HELQ: variants seen among roughly 807,000 people sequenced by gnomAD.
HELQ encodes the protein helicase POLQ-like.
Under a neutral mutation model 111.6 loss-of-function variants are expected in HELQ, and 77 were observed. The ratio of observed to expected loss-of-function variants is 0.69; its 90% CI spans 0.57 to 0.83. The LOEUF is 0.83. Among genes scored for constraint, HELQ ranks in the 40% least tolerant of loss-of-function variants. The pLI is 0.00. For synonymous variants in HELQ, 438 were observed against 454.7 expected, an observed-to-expected ratio of 0.96 and a Z score of 0.47; for missense variants, 1,200 against 1,288.5, an observed-to-expected ratio of 0.93 and a Z score of 1.05.
intron 15 of HELQ, among the ~76,000 whole-genome samples, chr4:83,419,161 ATTT>A (rs34131623): frequency 8.7e-4 from 118 of 135,794 alleles, no homozygotes; most frequent in African/African-American, 2.8e-3. Flanking sequence ...ACACCATGAG[ATTT>A]TTTTTTTTTT....
intron 14 of HELQ, 144 bp downstream of exon 14, chr4:83,425,850 A>G: frequency 1.9e-6 from 1 of 539,896 alleles, no homozygotes; most frequent in Non-Finnish European, 3.3e-6. Context: ...TTTAAGTAGT[A>G]AAATGAACGT....
intron 9 of HELQ, among the ~76,000 whole-genome samples, chr4:83,434,973 G>C (rs748894806): frequency 6.6e-6 from 1 of 152,162 alleles, no homozygotes; most frequent in Non-Finnish European, 1.5e-5. Context: ...ATAAAGCTTA[G>C]ATTAAAAGCA....
Position 83,407,438 on chromosome 4 carries a change from T to C in HELQ, c.*15A>G. 1 of 1,508,044 alleles carries C rather than the reference T, an allele frequency of 6.6e-7. No homozygotes were observed. Among genetic ancestry groups the C allele is most frequent in the South Asian group, 1.2e-5 (1 of 81,500 alleles). The allele number at this position is 1,508,044 out of a possible 1,614,324, so 93.4% of individuals were successfully genotyped here. On this transcript the variant is annotated 3_prime_UTR_variant, in exon 18 of 18. Transcript: ENST00000295488. ...CAATAAATAATTCATATATGAAAAT[T>C]CTCATCAGATAGCTTCATGCTTTGT...
chr4:83,409,418 G>T (rs1242108486), intron 17 of HELQ, among the ~76,000 whole-genome samples: 1 of 152,118 alleles, frequency 6.6e-6, no homozygotes, highest in Non-Finnish European at 1.5e-5. Flanking sequence ...GCCAGGCAAG[G>T]TGGCCGGCGC....
intron 2 of HELQ, 135 bp downstream of exon 2, chr4:83,453,096 G>A: frequency 1.6e-6 from 1 of 614,880 alleles, no homozygotes; most frequent in Non-Finnish European, 2.9e-6. Context: ...AATGGAAGGG[G>A]CTGAGAGATC....
rs560813069 is a variant in HELQ at position 83,446,006 on chromosome 4, A to G, written c.1465+8T>C. 3.8e-6 allele frequency: 6 copies of G among 1,573,680 alleles called. No individual in the cohort carries two copies. In the East Asian group the frequency reaches 1.3e-4, roughly 35 times the overall value. On this transcript the variant is annotated splice_region_variant and intron_variant, in intron 5 of 17. Transcript: ENST00000295488. ...TCAATTCATGACCTCATTTGAAAAA[A>G]TACTTACTGCTAGTGTAGAGGATTT...
chr4:83,439,873 A>G lies in HELQ; in HGVS notation c.1798T>C (p.Phe600Leu). Reference sequence around the variant, plus strand: ...AAAATATTAACATACTTGCTTAAAAATTTGCATATCATTTCTGCTACATTT... The same window carrying G: ...AAAATATTAACATACTTGCTTAAAAGTTTGCATATCATTTCTGCTACATTT... ...CENVAEMICKFLSKEYLKHKE... is the reference protein window; with the variant it reads ...CENVAEMICKLLSKEYLKHKE... The change falls in exon 8 of 18, where the codon TTT becomes CTT. Residue 600 changes from phenylalanine (F) to leucine (L), a missense_variant. Phe to Leu is a conservative substitution (Grantham distance 22). Transcript: ENST00000295488. The G allele has an allele frequency of 1.3e-6, 2 of 1,579,630 alleles. No individual in the cohort carries two copies. Among genetic ancestry groups the G allele is most frequent in the East Asian group, 4.5e-5 (2 of 44,580 alleles).
chr4:83,454,004 C>T, intron 1 of HELQ, 59 bp from the exon 2 acceptor site: 1 of 1,075,394 alleles, frequency 9.3e-7, no homozygotes, highest in Non-Finnish European at 1.4e-6. Context: ...ATAAAAGCTT[C>T]ACCAGCCTGG....
chr4:83,452,214 T>G (rs1475829376), intron 2 of HELQ, among the ~76,000 whole-genome samples: 1 of 152,196 alleles, frequency 6.6e-6, no homozygotes, highest in Admixed American at 6.5e-5. Flanking sequence ...CCAACACAAA[T>G]TTGTAAACTT....
chr4:83,453,726 G>A lies in HELQ; in HGVS notation c.517C>T (p.His173Tyr). 2.5e-6 allele frequency: 4 copies of A among 1,614,048 alleles called. No homozygotes were observed. The highest frequency in any genetic ancestry group is 2.7e-5 in the African/African-American group (2 of 75,034). ...TCATATCCACTCTGGTTCTCTGTGT[G>A]CTTATCAGTTTGTAATTCAGTAAGG... ...GNLTELQTDK[H>Y]TENQSGYEGV... is the part of the protein sequence containing the mutation. Residue 173 changes from histidine to tyrosine, a missense_variant, in exon 2 of 18, where the codon CAC (histidine) becomes TAC (tyrosine). His to Tyr is a moderately conservative substitution (Grantham distance 83). Around this residue, in one of 3 missense-constraint regions of HELQ, gnomAD observed 610 missense variants for 607.1 expected, o/e 1.00. Coordinates refer to ENST00000295488, the MANE Select transcript of HELQ (RefSeq NM_133636.5).
At chr4:83,427,337 A>C (rs547109795) in intron 13 of HELQ, among the ~76,000 whole-genome samples, 9 of 152,312 alleles carry the variant, frequency 5.9e-5, no homozygotes, top group African/African-American at 2.2e-4. Context: ...AATAGAGAAA[A>C]AAAGTGAATA....
At chr4:83,439,020 A>T (rs112758245) in intron 8 of HELQ, among the ~76,000 whole-genome samples, 92 of 152,174 alleles carry the variant, frequency 6.0e-4, no homozygotes, top group African/African-American at 2.1e-3. Flanking sequence ...TCACTGACCT[A>T]ATATTACTTA....
At chr4:83,415,304 G>A (rs1739302538) in intron 17 of HELQ, among the ~76,000 whole-genome samples, 2 of 152,074 alleles carry the variant, frequency 1.3e-5, no homozygotes, top group African/African-American at 2.4e-5. Context: ...AAACCCTTGG[G>A]GGCAATAAGA....
intron 17 of HELQ, among the ~76,000 whole-genome samples, chr4:83,412,420 T>C (rs959285878): frequency 5.9e-5 from 9 of 152,234 alleles, no homozygotes; most frequent in African/African-American, 2.2e-4. Context: ...CAGCCCTTCT[T>C]ACAATGATGG....
chr4:83,450,705 T>C (rs1721317405), intron 2 of HELQ, among the ~76,000 whole-genome samples: 1 of 150,198 alleles, frequency 6.7e-6, no homozygotes, highest in Non-Finnish European at 1.5e-5. Flanking sequence ...ATGGCTCATA[T>C]CTGTAATTCC....
chr4:83,438,509 G>C (rs1054908723), intron 8 of HELQ, among the ~76,000 whole-genome samples: 1 of 152,076 alleles, frequency 6.6e-6, no homozygotes, highest in Non-Finnish European at 1.5e-5. Flanking sequence ...GGGAGGCTAT[G>C]GGGGGCGGAT....
chr4:83,447,934 G>A (rs932027322), intron 3 of HELQ, among the ~76,000 whole-genome samples: 2 of 151,844 alleles, frequency 1.3e-5, no homozygotes, highest in African/African-American at 4.8e-5. Flanking sequence ...GTAAGGCCGG[G>A]CACAGTGGCT....
intron 14 of HELQ, among the ~76,000 whole-genome samples, chr4:83,424,023 A>T (rs1169469962): frequency 3.9e-5 from 6 of 152,202 alleles, no homozygotes; most frequent in Non-Finnish European, 1.5e-5. Context: ...TAAGTATTTA[A>T]ATATGTTCTC....
At chr4:83,437,758 T>C (rs1187934546) in intron 8 of HELQ, among the ~76,000 whole-genome samples, 3 of 152,196 alleles carry the variant, frequency 2.0e-5, no homozygotes, top group Non-Finnish European at 2.9e-5. Flanking sequence ...CTGGATGTTA[T>C]AACTGTTTTT....
Sources: gnomAD v4.1 joint callset for allele counts (sites outside exome capture counted in the v4.1 genomes callset) on GRCh38, gnomAD v4.1.1 for gene constraint, gnomAD v4.1.1 regional missense constraint, MANE v1.5 for transcripts, NCBI Gene and HGNC (gene_info 2026-07-23, HGNC 2026-07-21) for gene names.